Variants in YES1 observed in about 807,000 individuals in gnomAD.
The protein encoded by YES1 is tyrosine-protein kinase Yes.
Under a neutral mutation model 70.4 loss-of-function variants are expected in YES1, and 39 were observed. The ratio of observed to expected loss-of-function variants is 0.55; its 90% CI spans 0.43 to 0.72. YES1 has a LOEUF of 0.72. Among genes scored for constraint, YES1 ranks in the 30% least tolerant of loss-of-function variants. The probability of loss-of-function intolerance (pLI) is 0.00; values close to 1 mark genes in which losing one functional copy is unlikely to be tolerated. For synonymous variants in YES1, 198 were observed against 218.6 expected, an observed-to-expected ratio of 0.91 and a Z score of 0.83; for missense variants, 495 against 644.8, an observed-to-expected ratio of 0.77 and a Z score of 2.52.
chr18:769,656 C>G (rs1323809893), intron 1 of YES1, among the ~76,000 whole-genome samples: 1 of 152,098 alleles, frequency 6.6e-6, no homozygotes, highest in Non-Finnish European at 1.5e-5. Context: ...AGCTTTTCTA[C>G]ATGTACTTAG....
intron 8 of YES1, among the ~76,000 whole-genome samples, chr18:742,393 A>C (rs2080225836): frequency 6.6e-6 from 1 of 151,740 alleles, no homozygotes; most frequent in South Asian, 2.1e-4. Flanking sequence ...CCAAAAAGGG[A>C]GGACTGCCTG....
chr18:742,254 C>G (rs1349882214), intron 8 of YES1, among the ~76,000 whole-genome samples: 1 of 152,122 alleles, frequency 6.6e-6, no homozygotes, highest in Non-Finnish European at 1.5e-5. Context: ...TATCCTCCCC[C>G]TAACTAACCC....
In YES1 at chr18:756,641, C is replaced by T. The variant is rs1447099331; in HGVS notation, c.187G>A (p.Gly63Arg). ...AAAGGCGTTACCCCTGAGGATCCTC[C>T]AAATGGTGTCATGGAAAGACTGCTG... Reference protein sequence around the residue: ...NFSSLSMTPFGGSSGVTPFGG... With the variant: ...NFSSLSMTPFRGSSGVTPFGG... Residue 63 changes from glycine to arginine, a missense_variant, in exon 2 of 12, where the codon GGA becomes AGA. By Grantham distance (125) the Gly-to-Arg change is moderately radical. Coordinates refer to ENST00000314574, the MANE Select transcript of YES1 (RefSeq NM_005433.4). 1.2e-6 allele frequency: 2 copies of T among 1,614,024 alleles called. No homozygotes were observed. Among genetic ancestry groups the T allele is most frequent in the African/African-American group, 1.3e-5 (1 of 74,900 alleles).
intron 11 of YES1, among the ~76,000 whole-genome samples, chr18:731,945 C>G (rs78515215): frequency 1.7e-5 from 2 of 116,354 alleles, no homozygotes; most frequent in African/African-American, 7.1e-5. Context: ...CCAGCCTGGG[C>G]GACAGAGCGA....
chr18:756,714 T>C lies in YES1; in HGVS notation c.114A>G (p.Thr38=), dbSNP rs754829021. ...SVSHYGAEPT[T]VSPCPSSSAK... Reference sequence around the variant, plus strand: ...CTGAAGATGACGGACATGGTGACACTGTAGTGGGTTCTGCTCCATAATGGC... The same window carrying C: ...CTGAAGATGACGGACATGGTGACACCGTAGTGGGTTCTGCTCCATAATGGC... The change falls in exon 2 of 12, where the codon ACA becomes ACG. Residue 38 remains threonine, a synonymous_variant. Coordinates refer to ENST00000314574, the MANE Select transcript of YES1 (RefSeq NM_005433.4). 3 of 1,614,198 alleles carry C rather than the reference T, an allele frequency of 1.9e-6. No homozygotes were observed. The highest frequency in any genetic ancestry group is 1.7e-5 in the Admixed American group (1 of 60,024).
rs543431388 is a variant in YES1, at chr18:760,206, A to G, written c.-8-3371T>C. 1.1e-4 allele frequency among the ~76,000 whole-genome samples: 17 copies of G among 152,222 alleles called. 1 individual carries two copies. The highest frequency in any genetic ancestry group is 1.0e-3 in the South Asian group (5 of 4,824). The stretch of plus-strand genomic sequence containing the variant: ...ACAGGGGGACTGGGCACAGTGGCTC[A>G]CACCTGTCATCCCAGCACTTTGCAG... On this transcript the variant is annotated intron_variant, in intron 1 of 11. Transcript: ENST00000314574.
chr18:802,880 C>T lies in YES1; in HGVS notation c.-9+9234G>A, dbSNP rs529699266. ...AGTGGATCGCTTGAGCCCAGGAGTTCGAGACAGCCTGGGCAACAAGGTGAA... is the reference window on the plus strand; with the variant it reads ...AGTGGATCGCTTGAGCCCAGGAGTTTGAGACAGCCTGGGCAACAAGGTGAA... On this transcript the variant is annotated intron_variant, in intron 1 of 11. Transcript: ENST00000314574. Among the ~76,000 whole-genome samples the T allele has an allele frequency of 5.1e-4, 78 of 151,926 alleles. 1 individual carries two copies. The highest frequency in any genetic ancestry group is 4.7e-4 in the Non-Finnish European group (32 of 67,956).
intron 3 of YES1, among the ~76,000 whole-genome samples, chr18:748,453 CAG>C (rs2080305901): frequency 6.6e-6 from 1 of 150,612 alleles, no homozygotes; most frequent in African/African-American, 2.4e-5. Flanking sequence ...AATATATTTA[CAG>C]AGTTGTACAA....
chr18:792,570 T>C (rs1906316717), intron 1 of YES1, among the ~76,000 whole-genome samples: 1 of 54,420 alleles, frequency 1.8e-5, no homozygotes, highest in African/African-American at 6.4e-5. Context: ...TGTATATGTG[T>C]GTGTGTGTGT....
At chr18:761,773 G>T (rs573667468) in intron 1 of YES1, among the ~76,000 whole-genome samples, 2 of 152,272 alleles carry the variant, frequency 1.3e-5, no homozygotes, top group South Asian at 4.1e-4. Flanking sequence ...CAATGCATAG[G>T]ACCCATCATT....
chr18:770,570 C>T (rs1905108217), intron 1 of YES1, among the ~76,000 whole-genome samples: 1 of 152,166 alleles, frequency 6.6e-6, no homozygotes, highest in Non-Finnish European at 1.5e-5. Flanking sequence ...GCCTCAGCTT[C>T]CATAAATTCT....
intron 1 of YES1, among the ~76,000 whole-genome samples, chr18:767,336 G>C (rs553221709): frequency 3.9e-5 from 6 of 152,142 alleles, no homozygotes; most frequent in East Asian, 3.9e-4. Context: ...TTTTTTGTAA[G>C]GACAGAGTTT....
intron 1 of YES1, among the ~76,000 whole-genome samples, chr18:793,582 C>T (rs1906384325): frequency 6.6e-6 from 1 of 152,064 alleles, no homozygotes; most frequent in Admixed American, 6.6e-5. Flanking sequence ...AGTGATCTTC[C>T]CACCTCAGTC....
intron 1 of YES1, among the ~76,000 whole-genome samples, chr18:781,223 C>T (rs1340186200): frequency 1.4e-5 from 2 of 144,320 alleles, no homozygotes; most frequent in African/African-American, 2.7e-5. Context: ...GAGCCGAGAT[C>T]GCGCCATTGC....
chr18:781,006 C>T (rs1358565726), intron 1 of YES1, among the ~76,000 whole-genome samples: 2 of 152,150 alleles, frequency 1.3e-5, no homozygotes, highest in African/African-American at 4.8e-5. Flanking sequence ...CGGTGGCTCA[C>T]GCCTTCAATC....
chr18:801,484 G>A (rs1568220902), intron 1 of YES1, among the ~76,000 whole-genome samples: 1 of 152,186 alleles, frequency 6.6e-6, no homozygotes, highest in African/African-American at 2.4e-5. Flanking sequence ...CTATTCTACT[G>A]ACAGGGCAAA....
At chr18:758,183 G>C (rs1281304586) in intron 1 of YES1, among the ~76,000 whole-genome samples, 1 of 152,030 alleles carries the variant, frequency 6.6e-6, no homozygotes, top group Admixed American at 6.6e-5. Context: ...ATTTCAACAT[G>C]TAACCGATAT....
rs751986438 is a variant in YES1, at chr18:748,014, C to T, written c.376G>A (p.Gly126Arg). The T allele has an allele frequency of 6.2e-7, 1 of 1,613,816 alleles. No individual in the cohort carries two copies. The highest frequency in any genetic ancestry group is 8.5e-7 in the Non-Finnish European group (1 of 1,179,922). Reference sequence around the variant, plus strand: ...ATTGATCTTGCTTCCCACCAATCTCCTTCCCTGCAACACATAAAACAGCAA... The same window carrying T: ...ATTGATCTTGCTTCCCACCAATCTCTTTCCCTGCAACACATAAAACAGCAA... ...ERFQIINNTE[G>R]DWWEARSIAT... is the part of the protein sequence containing the mutation. The change falls in exon 4 of 12, where the codon GGA becomes AGA. Residue 126 changes from glycine (G) to arginine (R), a missense_variant. By Grantham distance (125) the Gly-to-Arg change is moderately radical. This residue lies in a region of YES1 where 385 missense variants were observed against 540.9 expected (regional missense o/e 0.71). Coordinates refer to ENST00000314574, the MANE Select transcript of YES1 (RefSeq NM_005433.4).
chr18:807,197 G>A (rs1457579287), intron 1 of YES1, among the ~76,000 whole-genome samples: 1 of 152,130 alleles, frequency 6.6e-6, no homozygotes, highest in Non-Finnish European at 1.5e-5. Context: ...AGCCGGGCGT[G>A]GTGGTGCACG....
Sources: gnomAD v4.1 joint callset for allele counts (sites outside exome capture counted in the v4.1 genomes callset) on GRCh38, gnomAD v4.1.1 for gene constraint, gnomAD v4.1.1 regional missense constraint, MANE v1.5 for transcripts, NCBI Gene and HGNC (gene_info 2026-07-23, HGNC 2026-07-21) for gene names.